The following AFF1 variants were observed in gnomAD, a reference collection of about 807,000 sequenced individuals.
AFF1 encodes AF4/FMR2 family member 1.
In AFF1, 48 loss-of-function variants were observed where a neutral mutation model predicts 121.7. That is an observed-to-expected ratio of 0.39 (90% CI 0.31 to 0.50). AFF1 has a LOEUF of 0.50. AFF1 is among the 20% of genes least tolerant of loss of function. AFF1 has a pLI of 0.76. For synonymous variants in AFF1, 613 were observed against 563.0 expected, an observed-to-expected ratio of 1.09 and a Z score of -1.26; for missense variants, 1,523 against 1,511.7, an observed-to-expected ratio of 1.01 and a Z score of -0.12.
At chr4:87,083,260 T>G (rs1371766191) in intron 4 of AFF1, among the ~76,000 whole-genome samples, 4 of 152,254 alleles carry the variant, frequency 2.6e-5, no homozygotes, top group Non-Finnish European at 5.9e-5. Flanking sequence ...TAGCTGGGTA[T>G]TAGGAAGAGG....
At position 87,139,534 on chromosome 4, in the gene AFF1, C is replaced by T. The variant is rs1320442137; in HGVS notation, c.*3833C>T. The T allele has an allele frequency of 4.3e-6, 1 of 230,686 alleles. No homozygotes were observed. Among genetic ancestry groups the T allele is most frequent in the African/African-American group, 2.2e-5 (1 of 45,184 alleles). The allele number at this position is 230,686 out of a possible 1,614,324, so 14.3% of individuals were successfully genotyped here. ...ATATTTTGTGCTTTCTTTAGAAACACAAGAGTATAGATTTTTCTCACTGAA... is the reference window on the plus strand; with the variant it reads ...ATATTTTGTGCTTTCTTTAGAAACATAAGAGTATAGATTTTTCTCACTGAA... On this transcript the variant is annotated 3_prime_UTR_variant, in exon 21 of 21. Coordinates refer to ENST00000395146, the MANE Select transcript of AFF1 (RefSeq NM_001166693.3).
intron 2 of AFF1, among the ~76,000 whole-genome samples, chr4:86,969,135 G>A (rs992785471): frequency 1.3e-5 from 2 of 150,920 alleles, no homozygotes; most frequent in African/African-American, 2.4e-5. Flanking sequence ...GTGACATCCT[G>A]TCTTGACCAG....
At chr4:86,941,394 A>G (rs2149441504) in intron 1 of AFF1, among the ~76,000 whole-genome samples, 1 of 152,130 alleles carries the variant, frequency 6.6e-6, no homozygotes, top group East Asian at 1.9e-4. Flanking sequence ...GCAGTGGGTC[A>G]CGCCTGTAAT....
chr4:86,981,608 A>T (rs1215754638), intron 2 of AFF1, among the ~76,000 whole-genome samples: 4 of 152,128 alleles, frequency 2.6e-5, no homozygotes, highest in Non-Finnish European at 5.9e-5. Flanking sequence ...GCCTCAAGGG[A>T]TCCACCTGTC....
At chr4:87,049,707 A>G (rs757183025) in intron 4 of AFF1, 7 of 455,932 alleles carry the variant, frequency 1.5e-5, no homozygotes, top group Non-Finnish European at 3.1e-5. Flanking sequence ...CCGAGTTCTC[A>G]TGCCAGGCAG....
intron 2 of AFF1, among the ~76,000 whole-genome samples, chr4:86,961,123 ATG>A (rs1408034400): frequency 6.6e-6 from 1 of 152,188 alleles, no homozygotes; most frequent in Non-Finnish European, 1.5e-5. Flanking sequence ...AATGGTGAGA[ATG>A]TGGGAGACAC....
chr4:87,104,963 A>G lies in AFF1; in HGVS notation c.1284-665A>G, dbSNP rs1725767053. Among the ~76,000 whole-genome samples, 5 of 152,190 alleles carry G rather than the reference A, an allele frequency of 3.3e-5. No homozygotes were observed. In the South Asian group the frequency reaches 8.3e-4, roughly 25 times the overall value. On this transcript the variant is annotated intron_variant, in intron 8 of 20. Transcript: ENST00000395146. ...GTTCTTCCCATTGATCAGTGTTCAC[A>G]TAGGCAAAAGAGAATAATTTATTGT... is the stretch of plus-strand genomic sequence containing the variant.
chr4:86,994,315 G>A (rs1043804627), intron 2 of AFF1, among the ~76,000 whole-genome samples: 1 of 152,206 alleles, frequency 6.6e-6, no homozygotes, highest in African/African-American at 2.4e-5. Context: ...GGCCCAGAGC[G>A]GAGTCCTTCA....
At chr4:86,941,588 G>A (rs765553187) in intron 1 of AFF1, among the ~76,000 whole-genome samples, 1 of 152,116 alleles carries the variant, frequency 6.6e-6, no homozygotes, top group Non-Finnish European at 1.5e-5. Context: ...GGGGGTGGAG[G>A]TTGCAGTGAG....
chr4:86,978,490 C>T (rs1166591291), intron 2 of AFF1, among the ~76,000 whole-genome samples: 2 of 151,976 alleles, frequency 1.3e-5, no homozygotes, highest in Non-Finnish European at 2.9e-5. Context: ...CCTACATTCA[C>T]TTTTATATTA....
At chr4:87,107,375 T>C (rs1240148347) in intron 10 of AFF1, among the ~76,000 whole-genome samples, 2 of 152,240 alleles carry the variant, frequency 1.3e-5, no homozygotes, top group Non-Finnish European at 2.9e-5. Context: ...GTGTGATCAA[T>C]GTGTTTTCTT....
At chr4:86,982,556 T>G (rs938170910) in intron 2 of AFF1, among the ~76,000 whole-genome samples, 4 of 151,618 alleles carry the variant, frequency 2.6e-5, no homozygotes, top group Admixed American at 2.0e-4. Flanking sequence ...ATGGGATTAG[T>G]GCCCTTATAA....
At chr4:87,067,278 A>G (rs1721452061) in intron 4 of AFF1, among the ~76,000 whole-genome samples, 1 of 152,244 alleles carries the variant, frequency 6.6e-6, no homozygotes, top group Non-Finnish European at 1.5e-5. Context: ...AGCCGTTTCC[A>G]TGCAACAAGC....
intron 2 of AFF1, 113 bp from the exon 3 acceptor site, chr4:87,046,053 A>G (rs1730653723): frequency 1.5e-6 from 2 of 1,301,660 alleles, no homozygotes; most frequent in East Asian, 4.8e-5. Context: ...AGCCGTCATC[A>G]CTGCTTCTTC....
At chr4:86,988,482 A>G (rs1277498669) in intron 2 of AFF1, among the ~76,000 whole-genome samples, 1 of 152,126 alleles carries the variant, frequency 6.6e-6, no homozygotes, top group Non-Finnish European at 1.5e-5. Flanking sequence ...TCCAACTTAC[A>G]AGGGATGTGA....
At chr4:86,938,934 G>A (rs1278222624) in intron 1 of AFF1, among the ~76,000 whole-genome samples, 2 of 152,158 alleles carry the variant, frequency 1.3e-5, no homozygotes, top group Non-Finnish European at 1.5e-5. Flanking sequence ...ACATGACTAA[G>A]GATTTCTTGC....
chr4:86,990,137 G>A (rs1055768267), intron 2 of AFF1, among the ~76,000 whole-genome samples: 2 of 149,860 alleles, frequency 1.3e-5, no homozygotes. Flanking sequence ...TAACCTGCAC[G>A]TTCTGCCCAT....
At chr4:86,937,555 A>G (rs1720106906) in intron 1 of AFF1, among the ~76,000 whole-genome samples, 1 of 152,166 alleles carries the variant, frequency 6.6e-6, no homozygotes, top group Admixed American at 6.5e-5. Context: ...ATTAAAATAC[A>G]TATATATTTA....
intron 2 of AFF1, among the ~76,000 whole-genome samples, chr4:87,029,442 G>T (rs1049329188): frequency 4.6e-5 from 7 of 152,194 alleles, no homozygotes; most frequent in Non-Finnish European, 1.0e-4. Context: ...AAGGTATTCA[G>T]ATCCAGCAGT....
Sources: gnomAD v4.1 joint callset for allele counts (sites outside exome capture counted in the v4.1 genomes callset) on GRCh38, gnomAD v4.1.1 for gene constraint, MANE v1.5 for transcripts, NCBI Gene and HGNC (gene_info 2026-07-23, HGNC 2026-07-21) for gene names.